Variants in CHIA observed in about 807,000 individuals in gnomAD.
The protein encoded by CHIA is acidic mammalian chitinase.
A neutral mutation model predicts 53.5 loss-of-function variants in CHIA; 47 were observed. The observed-to-expected ratio is 0.88, with a 90% CI of 0.70 to 1.12. The LOEUF is 1.12. Among genes scored for constraint, CHIA ranks in the 50% most tolerant of loss-of-function variants. CHIA has a pLI of 0.00. For synonymous variants in CHIA, 268 were observed against 222.2 expected (o/e 1.21, Z -1.83); for missense variants, 652 against 592.2 (o/e 1.10, Z -1.05).
intron 1 of CHIA, among the ~76,000 whole-genome samples, chr1:111,301,350 A>G (rs954850575): frequency 2.0e-5 from 3 of 152,168 alleles, no homozygotes; most frequent in African/African-American, 7.2e-5. Flanking sequence ...TCAATGATAG[A>G]CTGAATAAAG....
chr1:111,314,266 T>A (rs2786150), intron 4 of CHIA, among the ~76,000 whole-genome samples: 1 of 151,856 alleles, frequency 6.6e-6, no homozygotes, highest in Non-Finnish European at 1.5e-5. Flanking sequence ...GCTATTCATG[T>A]TTTTTAAACT....
At chr1:111,300,902 C>T (rs1427461494) in intron 1 of CHIA, among the ~76,000 whole-genome samples, 1 of 152,106 alleles carries the variant, frequency 6.6e-6, no homozygotes, top group Non-Finnish European at 1.5e-5. Context: ...CAAACAACCC[C>T]ATCAAAAAGT....
rs765980191 is a variant in CHIA at position 111,311,756 on chromosome 1, A to G, written c.55+38A>G. 3.8e-6 allele frequency: 6 copies of G among 1,598,598 alleles called. No homozygotes were observed. In the Admixed American group the frequency reaches 5.0e-5, roughly 13 times the overall value. ...CTCCATGTTTTATCATTGAATGTAT[A>G]TATACGAGATAAACCATACTATGGA... On this transcript the variant is annotated intron_variant, in intron 3 of 11. Transcript: ENST00000369740.
At chr1:111,310,607 T>A in intron 2 of CHIA, 115 bp downstream of exon 2, 1 of 1,532,674 alleles carries the variant, frequency 6.5e-7, no homozygotes, top group Non-Finnish European at 8.7e-7. Context: ...TCCATTCTTC[T>A]TTCATCATTT....
chr1:111,315,075 T>C, intron 5 of CHIA, 195 bp from the exon 6 acceptor site: 1 of 554,092 alleles, frequency 1.8e-6, no homozygotes, highest in Non-Finnish European at 3.2e-6. Flanking sequence ...GATAACAGAA[T>C]AAAGGGAATG....
Position 111,319,144 on chromosome 1 carries a change from G to A in CHIA, c.940G>A (p.Ala314Thr). ...GATCTGTACCTTCCTGAAAAATGGAGCCACTCAGGGATGGGATGCCCCTCA... is the reference window on the plus strand; with the variant it reads ...GATCTGTACCTTCCTGAAAAATGGAACCACTCAGGGATGGGATGCCCCTCA... ...YEICTFLKNGATQGWDAPQEV... is the reference protein window; with the variant it reads ...YEICTFLKNGTTQGWDAPQEV... The change falls in exon 10 of 12, where the codon GCC becomes ACC. Residue 314 changes from alanine to threonine, a missense_variant. Coordinates refer to ENST00000369740, the MANE Select transcript of CHIA (RefSeq NM_201653.4). 1 of 1,614,076 alleles carries A rather than the reference G, an allele frequency of 6.2e-7. No individual in the cohort carries two copies. Among genetic ancestry groups the A allele is most frequent in the Non-Finnish European group, 8.5e-7 (1 of 1,179,990 alleles).
At chr1:111,306,517 A>C (rs1648198903) in intron 1 of CHIA, among the ~76,000 whole-genome samples, 1 of 152,232 alleles carries the variant, frequency 6.6e-6, no homozygotes, top group Admixed American at 6.5e-5. Flanking sequence ...AATATAAAGG[A>C]TATTTACATT....
intron 9 of CHIA, 123 bp downstream of exon 9, chr1:111,318,801 A>T (rs1649398686): frequency 9.2e-7 from 1 of 1,086,708 alleles, no homozygotes; most frequent in Non-Finnish European, 1.3e-6. Flanking sequence ...ACAGCTGCTT[A>T]AAGTGTTTAA....
chr1:111,317,606 C>T, intron 6 of CHIA, 75 bp from the exon 7 acceptor site: 3 of 1,515,256 alleles, frequency 2.0e-6, no homozygotes, highest in Non-Finnish European at 2.7e-6. Flanking sequence ...ATTATACAGA[C>T]ATATGTTTAT....
At chr1:111,298,633 C>A (rs567362254) in intron 1 of CHIA, among the ~76,000 whole-genome samples, 5 of 152,218 alleles carry the variant, frequency 3.3e-5, no homozygotes, top group African/African-American at 4.8e-5. Context: ...CAAGAGAAAG[C>A]AGGAAAGATC....
intron 1 of CHIA, among the ~76,000 whole-genome samples, chr1:111,299,181 C>T (rs1647489502): frequency 6.6e-6 from 1 of 152,192 alleles, no homozygotes; most frequent in East Asian, 1.9e-4. Flanking sequence ...TGGTACCATT[C>T]CTTCTGAAAC....
intron 5 of CHIA, 198 bp from the exon 6 acceptor site, chr1:111,315,072 G>T (rs1453595324): frequency 1.8e-6 from 1 of 551,548 alleles, no homozygotes. Flanking sequence ...GGGGATAACA[G>T]AATAAAGGGA....
At chr1:111,312,780 A>G (rs887998479) in intron 4 of CHIA, among the ~76,000 whole-genome samples, 3 of 151,958 alleles carry the variant, frequency 2.0e-5, no homozygotes, top group Non-Finnish European at 2.9e-5. Context: ...GTATCCTTTG[A>G]CCAACATGCC....
chr1:111,315,581 CATT>C, intron 6 of CHIA, 146 bp downstream of exon 6: 1 of 804,324 alleles, frequency 1.2e-6, no homozygotes, highest in African/African-American at 1.7e-5. Flanking sequence ...ATCGTGCGTT[CATT>C]AAACAAACAT....
intron 1 of CHIA, among the ~76,000 whole-genome samples, chr1:111,300,420 T>C (rs567939492): frequency 6.6e-6 from 1 of 152,202 alleles, no homozygotes; most frequent in Admixed American, 6.5e-5. Flanking sequence ...GCCTCAGAAA[T>C]AACACCACAC....
intron 1 of CHIA, among the ~76,000 whole-genome samples, chr1:111,305,838 A>G (rs191545667): frequency 7.9e-5 from 12 of 152,328 alleles, no homozygotes; most frequent in Admixed American, 2.0e-4. Flanking sequence ...CTCAGATGAC[A>G]TAGAAACCAA....
chr1:111,312,511 C>T, intron 4 of CHIA, 120 bp downstream of exon 4: 1 of 795,284 alleles, frequency 1.3e-6, no homozygotes, highest in Non-Finnish European at 2.1e-6. Context: ...CTCTGCATTT[C>T]ATTTTTCTTT....
At chr1:111,315,012 G>A (rs1218992580) in intron 5 of CHIA, 3 of 456,698 alleles carry the variant, frequency 6.6e-6, no homozygotes, top group Non-Finnish European at 1.2e-5. Context: ...TGCTGGGTTT[G>A]CCAGGTATCC....
chr1:111,306,643 TA>T (rs1467859197), intron 1 of CHIA, among the ~76,000 whole-genome samples: 1 of 152,054 alleles, frequency 6.6e-6, no homozygotes, highest in Non-Finnish European at 1.5e-5. Flanking sequence ...TAAGGCACCA[TA>T]AAGAGAGTGA....
Sources: gnomAD v4.1 joint callset for allele counts (sites outside exome capture counted in the v4.1 genomes callset) on GRCh38, gnomAD v4.1.1 for gene constraint, MANE v1.5 for transcripts, NCBI Gene and HGNC (gene_info 2026-07-23, HGNC 2026-07-21) for gene names.